Variants in CDH4 observed in about 807,000 individuals in gnomAD.
The protein encoded by CDH4 is cadherin-4.
CDH4 carries 33 observed loss-of-function variants against 86.0 expected under a neutral mutation model. The observed-to-expected ratio is 0.38, with a 90% CI of 0.29 to 0.51. CDH4 has a LOEUF of 0.51. Ranked by LOEUF, CDH4 falls within the 20% of genes least tolerant of loss-of-function variation. CDH4 has a pLI of 0.86. For synonymous variants in CDH4, 555 were observed against 549.4 expected (o/e 1.01, Z -0.14); for missense variants, 1,114 against 1,307.4 (o/e 0.85, Z 2.28).
At chr20:61,926,862 G>A (rs2055049963) in intron 11 of CDH4, among the ~76,000 whole-genome samples, 1 of 151,950 alleles carries the variant, frequency 6.6e-6, no homozygotes. Flanking sequence ...AATAGAGTGA[G>A]ACTCCATCTC....
At chr20:61,795,108 A>ATGG (rs796569927) in intron 4 of CDH4, among the ~76,000 whole-genome samples, 2 of 132,938 alleles carry the variant, frequency 1.5e-5, no homozygotes, top group Non-Finnish European at 3.2e-5. Flanking sequence ...GATGGTGATG[A>ATGG]TGGTGGTGAT....
chr20:61,418,122 T>C (rs1185045026), intron 2 of CDH4, among the ~76,000 whole-genome samples: 1 of 152,102 alleles, frequency 6.6e-6, no homozygotes, highest in Non-Finnish European at 1.5e-5. Flanking sequence ...GGCTTTGTGC[T>C]GGCCCTTTGG....
chr20:61,447,490 G>A lies in CDH4; in HGVS notation c.169+192553G>A, dbSNP rs115340716. ...TGCCCGACCTATTCATGGTGTTTTC[G>A]ATATAAAGGCTTTCCTGGTATTTGG... On this transcript the variant is annotated intron_variant, in intron 2 of 15. Coordinates refer to ENST00000614565, the MANE Select transcript of CDH4 (RefSeq NM_001794.5). 7.9e-3 allele frequency among the ~76,000 whole-genome samples: 1,193 copies of A among 151,960 alleles called. 19 individuals carry two copies. The highest frequency in any genetic ancestry group is 0.027 in the African/African-American group (1,109 of 41,454).
At chr20:61,422,101 C>T (rs542903376) in intron 2 of CDH4, among the ~76,000 whole-genome samples, 2 of 152,068 alleles carry the variant, frequency 1.3e-5, no homozygotes, top group South Asian at 2.1e-4. Flanking sequence ...ACTTTTTGAA[C>T]GTATATCTAT....
chr20:61,686,061 AT>A lies in CDH4; in HGVS notation c.170-57493del, dbSNP rs966728849. 1.6e-4 allele frequency among the ~76,000 whole-genome samples: 24 copies of A among 152,080 alleles called. No individual in the cohort carries two copies. In the East Asian group the frequency reaches 2.7e-3, roughly 17 times the overall value. ...TGTTAGCACCATCAGAGGTGATGGG[AT>A]TTTTTTTTCTTCCAGTGAAAATAGA... is the stretch of plus-strand genomic sequence containing the variant. On this transcript the variant is annotated intron_variant, in intron 2 of 15. Coordinates refer to ENST00000614565, the MANE Select transcript of CDH4 (RefSeq NM_001794.5).
intron 2 of CDH4, among the ~76,000 whole-genome samples, chr20:61,304,557 G>T (rs757988730): frequency 6.6e-6 from 1 of 151,940 alleles, no homozygotes; most frequent in Non-Finnish European, 1.5e-5. Context: ...TGTTTTGTAT[G>T]TTTTGAACTC....
At chr20:61,722,566 A>G (rs931976906) in intron 2 of CDH4, among the ~76,000 whole-genome samples, 6 of 152,196 alleles carry the variant, frequency 3.9e-5, no homozygotes, top group African/African-American at 9.6e-5. Flanking sequence ...TGCACTGGCC[A>G]TCGTGGAAGC....
intron 2 of CDH4, among the ~76,000 whole-genome samples, chr20:61,339,126 T>G (rs1332089672): frequency 6.6e-6 from 1 of 152,236 alleles, no homozygotes; most frequent in African/African-American, 2.4e-5. Context: ...ATTGCAGAAT[T>G]ATTTTGACAA....
intron 13 of CDH4, among the ~76,000 whole-genome samples, chr20:61,931,911 TTGAG>T (rs375049682): frequency 1.3e-4 from 20 of 152,212 alleles, no homozygotes; most frequent in Admixed American, 3.3e-4. Flanking sequence ...CCCAATTCCT[TTGAG>T]TGGTGGAAAG....
At chr20:61,802,550 G>A (rs1365332286) in intron 4 of CDH4, among the ~76,000 whole-genome samples, 10 of 149,732 alleles carry the variant, frequency 6.7e-5, no homozygotes, top group African/African-American at 2.4e-4. Context: ...CTTACTTGGG[G>A]AAAAAAAAAA....
At chr20:61,456,311 G>A (rs2085406645) in intron 2 of CDH4, among the ~76,000 whole-genome samples, 1 of 152,228 alleles carries the variant, frequency 6.6e-6, no homozygotes, top group Non-Finnish European at 1.5e-5. Context: ...GAAATCTTAG[G>A]TTGGCTTTTG....
intron 6 of CDH4, among the ~76,000 whole-genome samples, chr20:61,860,197 C>T (rs1217666628): frequency 6.6e-6 from 1 of 152,248 alleles, no homozygotes; most frequent in African/African-American, 2.4e-5. Context: ...GTTCATTTTC[C>T]TGACTCCACC....
At chr20:61,485,168 G>A (rs199533395) in intron 2 of CDH4, among the ~76,000 whole-genome samples, 8 of 152,144 alleles carry the variant, frequency 5.3e-5, no homozygotes, top group Non-Finnish European at 8.8e-5. Context: ...GTTCCATTGC[G>A]AGATGTGTTT....
chr20:61,561,822 A>G (rs571221410), intron 2 of CDH4, among the ~76,000 whole-genome samples: 1 of 152,378 alleles, frequency 6.6e-6, no homozygotes, highest in East Asian at 1.9e-4. Context: ...AGAGAAAAAC[A>G]ACCCACAAAG....
chr20:61,818,967 C>T (rs1169796444), intron 4 of CDH4, among the ~76,000 whole-genome samples: 2 of 152,236 alleles, frequency 1.3e-5, no homozygotes, highest in African/African-American at 4.8e-5. Context: ...GCAGGGGCTG[C>T]TTAGGGTGAG....
chr20:61,457,319 GCTTGTTGGATCCTC>G (rs1290245993), intron 2 of CDH4, among the ~76,000 whole-genome samples: 2 of 152,290 alleles, frequency 1.3e-5, no homozygotes, highest in Non-Finnish European at 2.9e-5. Flanking sequence ...CAAAAGGGTG[GCTTGTTGGATCCTC>G]CTTCAGATAA....
chr20:61,800,918 C>T (rs1480993925), intron 4 of CDH4, among the ~76,000 whole-genome samples: 3 of 152,248 alleles, frequency 2.0e-5, no homozygotes, highest in Non-Finnish European at 2.9e-5. Flanking sequence ...GCCTCGGGCC[C>T]ATCTGCGCCA....
intron 2 of CDH4, among the ~76,000 whole-genome samples, chr20:61,343,356 A>T (rs188938086): frequency 3.3e-5 from 5 of 152,376 alleles, no homozygotes; most frequent in Non-Finnish European, 5.9e-5. Flanking sequence ...CATTCAGATT[A>T]TATCAAGGGA....
intron 3 of CDH4, among the ~76,000 whole-genome samples, chr20:61,751,341 C>T (rs1393548941): frequency 6.6e-6 from 1 of 152,224 alleles, no homozygotes; most frequent in East Asian, 1.9e-4. Flanking sequence ...GGGGGCAAAA[C>T]TGCCCCCTTT....
Sources: allele counts gnomAD v4.1 joint callset (sites outside exome capture counted in the v4.1 genomes callset), GRCh38; gene constraint gnomAD v4.1.1; transcripts MANE v1.5; gene names NCBI Gene and HGNC (gene_info 2026-07-23, HGNC 2026-07-21).